GCGR: variants seen among roughly 807,000 people sequenced by gnomAD.
GCGR encodes glucagon receptor.
A neutral mutation model predicts 56.1 loss-of-function variants in GCGR; 41 were observed. The ratio of observed to expected loss-of-function variants is 0.73; its 90% confidence interval spans 0.57 to 0.95. GCGR has a LOEUF of 0.95. Among genes scored for constraint, GCGR ranks in the 40% least tolerant of loss-of-function variants. The pLI, the probability that GCGR is intolerant of heterozygous loss-of-function variation, is 0.00. For missense variants in GCGR, 595 were observed against 638.2 expected, an observed-to-expected ratio of 0.93 and a Z score of 0.73; for synonymous variants, 278 against 271.1, an observed-to-expected ratio of 1.03 and a Z score of -0.25.
At position 81,804,385 on chromosome 17, in the gene GCGR, G is replaced by T; in HGVS notation, c.-178+136G>T. ...CCGGGCGGTCTCCGGGGTCCGGGCT[G>T]GTGCGCTCCTCAGTCCCGTCAGACA... is the stretch of plus-strand genomic sequence containing the variant. On this transcript the variant is annotated intron_variant, in intron 1 of 13. Transcript: ENST00000400723. This position sits in a 1 kb window ranked among gnomAD's most constrained non-coding sequence, Gnocchi z 8.2. The T allele has an allele frequency of 6.5e-6, 1 of 152,914 alleles. No homozygotes were observed. The highest frequency in any genetic ancestry group is 1.8e-4 in the South Asian group (1 of 5,502). The allele number at this position is 152,914 out of a possible 1,614,324, so 9.5% of individuals were successfully genotyped here. A position where few individuals can be genotyped will look rare whatever the true frequency, so the allele number is the denominator to read the frequency against.
Position 81,808,883 on chromosome 17 carries a change from C to G in GCGR, c.-136C>G, listed in dbSNP as rs1210369445. 1.9e-6 allele frequency: 2 copies of G among 1,063,282 alleles called. No homozygotes were observed. The highest frequency in any genetic ancestry group is 3.1e-5 in the African/African-American group (2 of 63,946). 65.9% of individuals were successfully genotyped at this position (1,063,282 alleles called of 1,614,324 possible). A position where few individuals can be genotyped will look rare whatever the true frequency, so the allele number is the denominator to read the frequency against. ...GGGGCAGCTTCAGGGGAGGACACCC[C>G]ACTGGCCAGGACGCCCCAGGCTCTG... On this transcript the variant is annotated 5_prime_UTR_variant, in exon 2 of 14. Coordinates refer to ENST00000400723, the MANE Select transcript of GCGR (RefSeq NM_000160.5).
In GCGR at chr17:81,813,865, C is replaced by T. The variant is rs570381472; in HGVS notation, c.*176C>T. The T allele has an allele frequency of 1.9e-5, 12 of 632,690 alleles. No individual in the cohort carries two copies. The highest frequency in any genetic ancestry group is 1.2e-4 in the South Asian group (6 of 51,382). 39.2% of individuals were successfully genotyped at this position (632,690 alleles called of 1,614,324 possible). A position where few individuals can be genotyped will look rare whatever the true frequency, so the allele number is the denominator to read the frequency against. ...TTGGGCCTCCTCTCCCTGCACCTGC[C>T]TTGTCCCTGGTGCAGAGGTGAGCAG... On this transcript the variant is annotated 3_prime_UTR_variant, in exon 14 of 14. Transcript: ENST00000400723. The surrounding 1 kb of genome is among the most constrained non-coding windows in gnomAD (Gnocchi z 5.3).
At chr17:81,807,431 C>A (rs1206356420) in intron 1 of GCGR, among the ~76,000 whole-genome samples, 1 of 152,262 alleles carries the variant, frequency 6.6e-6, no homozygotes, top group Non-Finnish European at 1.5e-5. Context: ...GTTAGCGGGG[C>A]AGCCCTGGGT....
intron 2 of GCGR, 76 bp from the exon 3 acceptor site, chr17:81,809,698 CCTGCCTGT>C (rs1261002570): frequency 1.2e-5 from 12 of 1,041,694 alleles, no homozygotes; most frequent in African/African-American, 1.6e-5. Context: ...CATCTACCTG[CCTGCCTGT>C]CTGCCTGTCT....
chr17:81,807,805 G>A (rs1426875588), intron 1 of GCGR, among the ~76,000 whole-genome samples: 1 of 152,368 alleles, frequency 6.6e-6, no homozygotes, highest in South Asian at 2.1e-4. Flanking sequence ...ACTGGGCTCT[G>A]TAGCAACGAA....
Position 81,811,589 on chromosome 17 carries a change from G to C in GCGR, c.657+29G>C, listed in dbSNP as rs945340953. ...AGCCCCCCTCGGCGGCCCCAGGCAG[G>C]TGGGTGGGTGGGCAGCCAGGCAGGT... On this transcript the variant is annotated intron_variant, in intron 7 of 13. Coordinates refer to ENST00000400723, the MANE Select transcript of GCGR (RefSeq NM_000160.5). This position sits in a 1 kb window ranked among gnomAD's most constrained non-coding sequence, Gnocchi z 5.8. 7 of 1,535,928 alleles carry C rather than the reference G, an allele frequency of 4.6e-6. No homozygotes were observed. In the Admixed American group the frequency reaches 1.4e-4, roughly 30 times the overall value.
At position 81,810,856 on chromosome 17, in the gene GCGR, T is replaced by C; in HGVS notation, c.195T>C (p.Tyr65=). 2.6e-6 allele frequency: 4 copies of C among 1,536,588 alleles called. No individual in the cohort carries two copies. Among genetic ancestry groups the C allele is most frequent in the South Asian group, 2.4e-5 (2 of 84,058 alleles). The change falls in exon 4 of 14, where the codon TAT becomes TAC. Residue 65 remains tyrosine (Y), a synonymous_variant. Coordinates refer to ENST00000400723, the MANE Select transcript of GCGR (RefSeq NM_000160.5). This position sits in a 1 kb window ranked among gnomAD's most constrained non-coding sequence, Gnocchi z 4.6. ...TGTGCAACAGAACCTTCGACAAGTA[T>C]TCCTGCTGGCCGGACACCCCCGCCA... The part of the protein sequence containing the change: ...ELVCNRTFDK[Y]SCWPDTPANT...
intron 1 of GCGR, among the ~76,000 whole-genome samples, chr17:81,808,051 G>A (rs1458702865): frequency 1.3e-5 from 2 of 152,214 alleles, no homozygotes; most frequent in African/African-American, 2.4e-5. Context: ...GCCCAACCGA[G>A]CCTTGCACGG....
At chr17:81,805,825 G>T (rs1453561917) in intron 1 of GCGR, among the ~76,000 whole-genome samples, 1 of 152,126 alleles carries the variant, frequency 6.6e-6, no homozygotes, top group Non-Finnish European at 1.5e-5. Flanking sequence ...CAGCTGTGTC[G>T]CCGGAAGGGT....
chr17:81,809,472 T>C (rs1403791288), intron 2 of GCGR, among the ~76,000 whole-genome samples: 1 of 146,840 alleles, frequency 6.8e-6, no homozygotes, highest in Non-Finnish European at 1.5e-5. Context: ...TCTGCCTGCC[T>C]GTCTGCCTGC....
In GCGR at chr17:81,812,009, C is replaced by T. The variant is rs1395624334; in HGVS notation, c.878+63C>T. 1.3e-6 allele frequency: 2 copies of T among 1,530,980 alleles called. No individual in the cohort carries two copies. The highest frequency in any genetic ancestry group is 1.8e-6 in the Non-Finnish European group (2 of 1,142,746). 94.8% of individuals were successfully genotyped at this position (1,530,980 alleles called of 1,614,324 possible). A position where few individuals can be genotyped will look rare whatever the true frequency, so the allele number is the denominator to read the frequency against. On this transcript the variant is annotated intron_variant, in intron 9 of 13. Coordinates refer to ENST00000400723, the MANE Select transcript of GCGR (RefSeq NM_000160.5). The surrounding 1 kb of genome is among the most constrained non-coding windows in gnomAD (Gnocchi z 8.5). Reference sequence around the variant, plus strand: ...GGGGGCTGGGGTGCGGCGCTCTGGCCTGAGGCAGGGAGGGGCCGGGGATGA... The same window carrying T: ...GGGGGCTGGGGTGCGGCGCTCTGGCTTGAGGCAGGGAGGGGCCGGGGATGA...
chr17:81,811,968 G>C lies in GCGR; in HGVS notation c.878+22G>C. The C allele has an allele frequency of 1.3e-6, 2 of 1,536,682 alleles. No individual in the cohort carries two copies. Among genetic ancestry groups the C allele is most frequent in the Non-Finnish European group, 1.7e-6 (2 of 1,146,786 alleles). On this transcript the variant is annotated intron_variant, in intron 9 of 13. Coordinates refer to ENST00000400723, the MANE Select transcript of GCGR (RefSeq NM_000160.5). This position sits in a 1 kb window ranked among gnomAD's most constrained non-coding sequence, Gnocchi z 5.8. ...TCCAGTGAGTATGAGCGGCTGGACA[G>C]CCTGGGGAGGGACCGGGGGGCTGGG...
In GCGR at chr17:81,810,681, TGG is replaced by T; in HGVS notation, c.164-140_164-139del. 1.4e-6 allele frequency: 1 copy of T among 730,466 alleles called. No homozygotes were observed. The highest frequency in any genetic ancestry group is 2.3e-6 in the Non-Finnish European group (1 of 436,598). The allele number at this position is 730,466 out of a possible 1,614,324, so 45.2% of individuals were successfully genotyped here. A position where few individuals can be genotyped will look rare whatever the true frequency, so the allele number is the denominator to read the frequency against. On this transcript the variant is annotated intron_variant, in intron 3 of 13. Transcript: ENST00000400723. The surrounding 1 kb of genome is among the most constrained non-coding windows in gnomAD (Gnocchi z 4.6). ...TCAGATGGGGGAGGTGGAGGTCAAG[TGG>T]GGGAGGGAGCAGCCCAGGCCATGTC...
chr17:81,813,386 G>T lies in GCGR; in HGVS notation c.1219-88G>T. 8.1e-7 allele frequency: 1 copy of T among 1,239,216 alleles called. No homozygotes were observed. The highest frequency in any genetic ancestry group is 1.1e-6 in the Non-Finnish European group (1 of 891,888). 76.8% of individuals were successfully genotyped at this position (1,239,216 alleles called of 1,614,324 possible). A position where few individuals can be genotyped will look rare whatever the true frequency, so the allele number is the denominator to read the frequency against. Reference sequence around the variant, plus strand: ...CTGCACCCCTCAGAGCGGAGACTGGGCATCTCCGATGAGGCCCACAGCAGG... The same window carrying T: ...CTGCACCCCTCAGAGCGGAGACTGGTCATCTCCGATGAGGCCCACAGCAGG... On this transcript the variant is annotated intron_variant, in intron 13 of 13. Coordinates refer to ENST00000400723, the MANE Select transcript of GCGR (RefSeq NM_000160.5). The surrounding 1 kb of genome is among the most constrained non-coding windows in gnomAD (Gnocchi z 5.3).
chr17:81,809,840 G>C lies in GCGR; in HGVS notation c.119G>C (p.Gly40Ala), dbSNP rs1158418305. The change falls in exon 3 of 14, where the codon GGT (glycine) becomes GCT (alanine). Residue 40 changes from glycine to alanine, a missense_variant. By Grantham distance (60) the Gly-to-Ala change is moderately conservative. Coordinates refer to ENST00000400723, the MANE Select transcript of GCGR (RefSeq NM_000160.5). ...CTGTTTGAGAAGTGGAAGCTCTACG[G>C]TGACCAGTGTCACCACAACCTGAGC... Reference protein sequence around the residue: ...DFLFEKWKLYGDQCHHNLSLL... With the variant: ...DFLFEKWKLYADQCHHNLSLL... The C allele has an allele frequency of 9.8e-6, 15 of 1,536,482 alleles. No individual in the cohort carries two copies. The highest frequency in any genetic ancestry group is 1.3e-5 in the Non-Finnish European group (15 of 1,146,904).
chr17:81,811,228 G>T lies in GCGR; in HGVS notation c.400G>T (p.Val134Leu). The change falls in exon 6 of 14, where the codon GTG (valine) becomes TTG (leucine). Residue 134 changes from valine (V) to leucine (L), a missense_variant. Val to Leu is a conservative substitution (Grantham distance 32, BLOSUM62 1). Coordinates refer to ENST00000400723, the MANE Select transcript of GCGR (RefSeq NM_000160.5). The surrounding 1 kb of genome is among the most constrained non-coding windows in gnomAD (Gnocchi z 5.8). ...DGEEIEVQKE[V>L]AKMYSSFQVM... The stretch of plus-strand genomic sequence containing the variant: ...AGGCCACTGTAACTCGCAGAAGGAG[G>T]TGGCCAAGATGTACAGCAGCTTCCA... The T allele has an allele frequency of 6.5e-7, 1 of 1,536,234 alleles. No homozygotes were observed. The highest frequency in any genetic ancestry group is 8.7e-7 in the Non-Finnish European group (1 of 1,146,740).
chr17:81,807,764 G>T (rs1568248948), intron 1 of GCGR, among the ~76,000 whole-genome samples: 2 of 152,380 alleles, frequency 1.3e-5, no homozygotes, highest in South Asian at 4.1e-4. Context: ...GACCCTCCCT[G>T]CTTCTCCCAC....
Position 81,813,185 on chromosome 17 carries a change from TC to T in GCGR, c.1218+133del. 2.2e-6 allele frequency: 3 copies of T among 1,373,908 alleles called. No individual in the cohort carries two copies. The highest frequency in any genetic ancestry group is 3.0e-6 in the Non-Finnish European group (3 of 1,002,180). The allele number at this position is 1,373,908 out of a possible 1,614,324, so 85.1% of individuals were successfully genotyped here. ...AACACGTGGGGCCCAAGCCTTTCCCTCCCCCTGCTCTTATTGGGTGCAGTTG... is the reference window on the plus strand; with the variant it reads ...AACACGTGGGGCCCAAGCCTTTCCCTCCCCTGCTCTTATTGGGTGCAGTTG... On this transcript the variant is annotated intron_variant, in intron 13 of 13. Transcript: ENST00000400723. The surrounding 1 kb of genome is among the most constrained non-coding windows in gnomAD (Gnocchi z 5.3).
At chr17:81,807,527 C>T (rs1231395831) in intron 1 of GCGR, among the ~76,000 whole-genome samples, 1 of 152,210 alleles carries the variant, frequency 6.6e-6, no homozygotes, top group Non-Finnish European at 1.5e-5. Flanking sequence ...CAGTCCAGGC[C>T]TGCCCGGAAA....
Sources: gnomAD v4.1 joint callset for allele counts (sites outside exome capture counted in the v4.1 genomes callset) on GRCh38, gnomAD v4.1.1 for gene constraint, Gnocchi (gnomAD v3.1) non-coding constraint, MANE v1.5 for transcripts, NCBI Gene and HGNC (gene_info 2026-07-23, HGNC 2026-07-21) for gene names.